CFAP20DC: variants seen among roughly 807,000 people sequenced by gnomAD.
CFAP20DC encodes the protein protein CFAP20DC.
CFAP20DC carries 84 observed loss-of-function variants against 101.7 expected under a neutral mutation model. The observed-to-expected ratio is 0.83, with a 90% CI of 0.69 to 0.99. The LOEUF is 0.99. Among genes scored for constraint, CFAP20DC ranks in the 50% least tolerant of loss-of-function variants. The probability of loss-of-function intolerance (pLI) is 0.00; values close to 1 mark genes in which losing one functional copy is unlikely to be tolerated. For synonymous variants in CFAP20DC, 359 were observed against 351.2 expected, an observed-to-expected ratio of 1.02 and a Z score of -0.25; for missense variants, 1,007 against 970.3, an observed-to-expected ratio of 1.04 and a Z score of -0.50.
intron 4 of CFAP20DC, among the ~76,000 whole-genome samples, chr3:58,997,479 T>G (rs1459668283): frequency 6.6e-6 from 1 of 152,208 alleles, no homozygotes; most frequent in African/African-American, 2.4e-5. Context: ...CCTAGATTGT[T>G]AGCTTCCCAA....
At chr3:58,968,180 A>G (rs1329414573) in intron 4 of CFAP20DC, among the ~76,000 whole-genome samples, 1 of 152,114 alleles carries the variant, frequency 6.6e-6, no homozygotes, top group Non-Finnish European at 1.5e-5. Flanking sequence ...ATTCACGTGC[A>G]TGTGCCTTTA....
intron 13 of CFAP20DC, among the ~76,000 whole-genome samples, chr3:58,836,566 T>C (rs2076751548): frequency 1.3e-5 from 2 of 152,096 alleles, no homozygotes; most frequent in South Asian, 4.1e-4. Flanking sequence ...CTCATTCTGT[T>C]CTTCATGGGC....
At chr3:58,850,949 G>C (rs547637400) in intron 12 of CFAP20DC, among the ~76,000 whole-genome samples, 2 of 152,256 alleles carry the variant, frequency 1.3e-5, no homozygotes, top group Non-Finnish European at 2.9e-5. Context: ...CTTCCTTTCA[G>C]AAGTGAAGCA....
chr3:58,851,594 A>G (rs1575928743), intron 12 of CFAP20DC, among the ~76,000 whole-genome samples: 1 of 152,220 alleles, frequency 6.6e-6, no homozygotes, highest in Admixed American at 6.5e-5. Context: ...AGATAAAAAC[A>G]AAAAATATAA....
intron 6 of CFAP20DC, among the ~76,000 whole-genome samples, chr3:58,905,481 T>C (rs2083502774): frequency 6.6e-6 from 1 of 152,230 alleles, no homozygotes; most frequent in Admixed American, 6.5e-5. Flanking sequence ...GCTTTACTAC[T>C]TGTCCAGCAA....
At chr3:58,932,327 G>A (rs2086828238) in intron 5 of CFAP20DC, among the ~76,000 whole-genome samples, 1 of 152,166 alleles carries the variant, frequency 6.6e-6, no homozygotes, top group African/African-American at 2.4e-5. Context: ...GGGGAGAATG[G>A]AACAAAGTTG....
intron 15 of CFAP20DC, among the ~76,000 whole-genome samples, chr3:58,779,809 A>G (rs1204900887): frequency 6.6e-6 from 1 of 152,182 alleles, no homozygotes; most frequent in Admixed American, 6.5e-5. Context: ...TTGATAATGG[A>G]AAAATTCCAA....
At chr3:58,910,036 C>T (rs1042102753) in intron 6 of CFAP20DC, among the ~76,000 whole-genome samples, 26 of 152,168 alleles carry the variant, frequency 1.7e-4, no homozygotes, top group African/African-American at 5.8e-4. Flanking sequence ...CTTCCAACTT[C>T]ATCCACGTCC....
chr3:58,735,949 T>C (rs952405983), intron 3 of CFAP20DC, among the ~76,000 whole-genome samples: 1 of 152,202 alleles, frequency 6.6e-6, no homozygotes, highest in Admixed American at 6.5e-5. Context: ...TTCTTATGCT[T>C]AGCTAAAAAA....
intron 12 of CFAP20DC, among the ~76,000 whole-genome samples, chr3:58,854,608 A>T (rs1405749986): frequency 6.6e-6 from 1 of 152,204 alleles, no homozygotes; most frequent in Non-Finnish European, 1.5e-5. Context: ...ACAGTAACCA[A>T]AACAGCATGG....
At chr3:58,982,624 G>T (rs376892117) in intron 4 of CFAP20DC, among the ~76,000 whole-genome samples, 22 of 146,212 alleles carry the variant, frequency 1.5e-4, no homozygotes, top group African/African-American at 5.1e-4. Flanking sequence ...AACAAACACC[G>T]CATGTTCTCA....
chr3:59,005,806 AATTTAAGT>A (rs1396840824), intron 4 of CFAP20DC, among the ~76,000 whole-genome samples: 3 of 152,172 alleles, frequency 2.0e-5, no homozygotes, highest in African/African-American at 7.2e-5. Flanking sequence ...GAACTAATCA[AATTTAAGT>A]ATTGATTACT....
At chr3:59,008,473 C>T (rs1034988925) in intron 4 of CFAP20DC, among the ~76,000 whole-genome samples, 19 of 152,180 alleles carry the variant, frequency 1.2e-4, no homozygotes, top group African/African-American at 2.4e-4. Context: ...GAAGCCTGAA[C>T]GATAGACTGG....
At chr3:58,753,583 C>T in intron 16 of CFAP20DC, 186 bp downstream of exon 16, 2 of 527,212 alleles carry the variant, frequency 3.8e-6, no homozygotes, top group South Asian at 2.6e-5. Flanking sequence ...TAGTTTCTCT[C>T]ATCTTCTTTT....
chr3:59,000,034 G>A (rs1294596733), intron 4 of CFAP20DC, among the ~76,000 whole-genome samples: 1 of 152,064 alleles, frequency 6.6e-6, no homozygotes, highest in Admixed American at 6.6e-5. Flanking sequence ...CCCAGAAACT[G>A]CCTGTCCAAC....
At chr3:58,883,723 T>C (rs1055521298) in intron 7 of CFAP20DC, among the ~76,000 whole-genome samples, 1 of 152,186 alleles carries the variant, frequency 6.6e-6, no homozygotes, top group Non-Finnish European at 1.5e-5. Context: ...ATGACTTCTA[T>C]GGGATAAGTG....
intron 15 of CFAP20DC, among the ~76,000 whole-genome samples, chr3:58,800,586 G>A (rs1350939106): frequency 2.0e-5 from 3 of 152,154 alleles, no homozygotes; most frequent in African/African-American, 7.2e-5. Flanking sequence ...TTCAGGGAGG[G>A]TCAGGACTGG....
At chr3:58,891,423 G>GAA (rs1315890932) in intron 6 of CFAP20DC, among the ~76,000 whole-genome samples, 1 of 1,100 alleles carries the variant, frequency 9.1e-4, no homozygotes, top group African/African-American at 2.0e-3. Context: ...GGAGACCGTG[G>GAA]GGAGAGGGAG....
At chr3:58,956,936 C>T (rs930662853) in intron 4 of CFAP20DC, among the ~76,000 whole-genome samples, 2 of 152,116 alleles carry the variant, frequency 1.3e-5, no homozygotes, top group African/African-American at 4.8e-5. Flanking sequence ...GAAACCACAC[C>T]CATGATCCAA....
Sources: allele counts gnomAD v4.1 joint callset (sites outside exome capture counted in the v4.1 genomes callset), GRCh38; gene constraint gnomAD v4.1.1; transcripts MANE v1.5; gene names NCBI Gene and HGNC (gene_info 2026-07-23, HGNC 2026-07-21).